The following CORO2A variants were observed in gnomAD, a reference collection of about 807,000 sequenced individuals.
CORO2A encodes the protein coronin-2A.
A neutral mutation model predicts 62.4 loss-of-function variants in CORO2A; 47 were observed. The observed-to-expected ratio is 0.75, with a 90% CI of 0.60 to 0.96. The LOEUF (loss-of-function observed/expected upper bound fraction) is 0.96. CORO2A is among the 40% of genes least tolerant of loss of function. The pLI is 0.00. For synonymous variants in CORO2A, 273 were observed against 268.9 expected (o/e 1.02, Z -0.15); for missense variants, 610 against 684.1 (o/e 0.89, Z 1.21).
chr9:98,137,511 AC>A, intron 3 of CORO2A, 60 bp downstream of exon 3: 1 of 1,389,792 alleles, frequency 7.2e-7, no homozygotes, highest in Non-Finnish European at 1.0e-6. Context: ...GTACCATTCC[AC>A]CCCAACCACC....
intron 1 of CORO2A, among the ~76,000 whole-genome samples, chr9:98,158,371 T>C (rs1298265396): frequency 4.6e-5 from 7 of 152,190 alleles, no homozygotes; most frequent in Non-Finnish European, 1.0e-4. Context: ...TTTAGACCCC[T>C]TGGTGCATGG....
Position 98,129,772 on chromosome 9 carries a change from AACTTCAGTGTCCCTC to A in CORO2A, c.967+7_967+21del. The A allele has an allele frequency of 6.3e-7, 1 of 1,577,488 alleles. No individual in the cohort carries two copies. Among genetic ancestry groups the A allele is most frequent in the Non-Finnish European group, 8.7e-7 (1 of 1,146,870 alleles). ...CCGAAGTGCTGGGATTACAGGCATG[AACTTCAGTGTCCCTC>A]ACTTACCGATCCCCTTCTGTGGGTT... On this transcript the variant is annotated splice_region_variant and intron_variant, in intron 8 of 11. Coordinates refer to ENST00000375077, the MANE Select transcript of CORO2A (RefSeq NM_052820.4).
rs1187606558 is a variant in CORO2A at position 98,144,866 on chromosome 9, C to T, written c.202-7178G>A. Among the ~76,000 whole-genome samples, 4 of 152,036 alleles carry T rather than the reference C, an allele frequency of 2.6e-5. No individual in the cohort carries two copies. The East Asian group carries it at 7.8e-4, about 29-fold the overall frequency. ...GAGGGCATGGAGTCTACTCACCCTGCCCAGGGTGCAAGGCTGGACCCAATA... is the reference window on the plus strand; with the variant it reads ...GAGGGCATGGAGTCTACTCACCCTGTCCAGGGTGCAAGGCTGGACCCAATA... On this transcript the variant is annotated intron_variant, in intron 2 of 11. Transcript: ENST00000375077.
At position 98,151,814 on chromosome 9, in the gene CORO2A, A is replaced by ATT. The variant is rs747501901; in HGVS notation, c.201+5644_201+5645dup. On this transcript the variant is annotated intron_variant, in intron 2 of 11. Coordinates refer to ENST00000375077, the MANE Select transcript of CORO2A (RefSeq NM_052820.4). ...AGGCATGCACCACCATGCCCGGCTA[A>ATT]TTTTTTTTTTTTTTTTTTTTGAGAC... 7.1e-4 allele frequency among the ~76,000 whole-genome samples: 82 copies of ATT among 115,458 alleles called. 1 individual carries two copies. The highest frequency in any genetic ancestry group is 3.9e-3 in the East Asian group (16 of 4,104). 75.7% of individuals were successfully genotyped at this position (115,458 alleles called of 152,430 possible).
At chr9:98,135,619 C>T (rs540466070) in intron 3 of CORO2A, among the ~76,000 whole-genome samples, 23 of 152,218 alleles carry the variant, frequency 1.5e-4, no homozygotes, top group African/African-American at 4.8e-4. Flanking sequence ...AGCTCCCTGT[C>T]ACAGAGGTAT....
rs145954718 is a variant in CORO2A at position 98,157,577 on chromosome 9, G to A, written c.84C>T (p.Ser28=). 7.1e-4 allele frequency: 1,139 copies of A among 1,614,152 alleles called. 3 individuals carry two copies. The highest frequency in any genetic ancestry group is 4.4e-4 in the Non-Finnish European group (525 of 1,180,000). ...CGTGAACGCTGCGGGTGATAGGCACGGAGTCGTAGCAGTTCTCCTTGCTGG... is the reference window on the plus strand; with the variant it reads ...CGTGAACGCTGCGGGTGATAGGCACAGAGTCGTAGCAGTTCTCCTTGCTGG... ...KPASKENCYD[S]VPITRSVHDN... Residue 28 remains serine, a synonymous_variant, in exon 2 of 12, where the codon TCC becomes TCT. Coordinates refer to ENST00000375077, the MANE Select transcript of CORO2A (RefSeq NM_052820.4).
intron 1 of CORO2A, among the ~76,000 whole-genome samples, chr9:98,190,901 T>C (rs1828298378): frequency 6.6e-6 from 1 of 152,200 alleles, no homozygotes; most frequent in African/African-American, 2.4e-5. Flanking sequence ...CAGCTCCCAG[T>C]CCTGTGCAGC....
chr9:98,158,516 C>A (rs1827837507), intron 1 of CORO2A, among the ~76,000 whole-genome samples: 1 of 152,092 alleles, frequency 6.6e-6, no homozygotes, highest in Non-Finnish European at 1.5e-5. Context: ...AGGCCCTGTG[C>A]CAGGTACCAG....
rs538293375 is a variant in CORO2A at position 98,128,535 on chromosome 9, C to T, written c.1080+72G>A. On this transcript the variant is annotated intron_variant, in intron 9 of 11. Transcript: ENST00000375077. ...AACGTGGGCTCCAGGCTCTGGTGCC[C>T]GACAGCCCTGGGTCTGTCTTCTCCA... The T allele has an allele frequency of 1.3e-5, 18 of 1,380,662 alleles. No individual in the cohort carries two copies. The East Asian group carries it at 2.5e-4, about 19-fold the overall frequency. 85.5% of individuals were successfully genotyped at this position (1,380,662 alleles called of 1,614,324 possible). A position where few individuals can be genotyped will look rare whatever the true frequency, so the allele number is the denominator to read the frequency against.
At chr9:98,171,759 G>C (rs1259651702) in intron 1 of CORO2A, among the ~76,000 whole-genome samples, 4 of 151,990 alleles carry the variant, frequency 2.6e-5, no homozygotes, top group Admixed American at 2.6e-4. Flanking sequence ...CTTGCAGCGC[G>C]GGGGTGGGGA....
At chr9:98,174,061 T>G (rs952478475) in intron 1 of CORO2A, among the ~76,000 whole-genome samples, 3 of 151,794 alleles carry the variant, frequency 2.0e-5, no homozygotes, top group Non-Finnish European at 4.4e-5. Context: ...GAGCCGAGAT[T>G]GCGCCATTGC....
At chr9:98,149,835 T>C (rs192844150) in intron 2 of CORO2A, among the ~76,000 whole-genome samples, 6 of 152,208 alleles carry the variant, frequency 3.9e-5, no homozygotes, top group African/African-American at 9.6e-5. Flanking sequence ...AATTAACATG[T>C]ATCTTTGAGC....
intron 8 of CORO2A, 95 bp downstream of exon 8, chr9:98,129,699 C>G: frequency 1.1e-6 from 1 of 923,272 alleles, no homozygotes; most frequent in Admixed American, 1.7e-5. Flanking sequence ...CCCTGTCTCC[C>G]CAGACCCCGC....
chr9:98,148,961 A>G (rs577944628), intron 2 of CORO2A, among the ~76,000 whole-genome samples: 1 of 152,278 alleles, frequency 6.6e-6, no homozygotes, highest in Non-Finnish European at 1.5e-5. Context: ...AGAAATGGAG[A>G]GCAGGTTAAT....
At chr9:98,151,008 C>A (rs1345744465) in intron 2 of CORO2A, among the ~76,000 whole-genome samples, 1 of 152,228 alleles carries the variant, frequency 6.6e-6, no homozygotes, top group Non-Finnish European at 1.5e-5. Flanking sequence ...TCTGGCCAGA[C>A]AGCTGCTCTC....
chr9:98,172,705 A>G (rs1223273711), intron 1 of CORO2A: 1 of 152,274 alleles, frequency 6.6e-6, no homozygotes, highest in African/African-American at 2.4e-5. Context: ...AGCTGGCAGG[A>G]GAGGATGGTG....
intron 3 of CORO2A, 117 bp from the exon 4 acceptor site, chr9:98,135,072 G>C: frequency 7.5e-7 from 1 of 1,335,836 alleles, no homozygotes; most frequent in South Asian, 1.4e-5. Context: ...TCTCTCCATA[G>C]CCACCTCCCA....
intron 1 of CORO2A, among the ~76,000 whole-genome samples, chr9:98,177,457 G>GTTTTTTTTTTTTTTTTTTTTTTTT (rs1174402008): frequency 1.0e-5 from 1 of 98,346 alleles, no homozygotes; most frequent in Non-Finnish European, 1.9e-5. Flanking sequence ...TCCAAACTTT[G>GTTTTTTTTTTTTTTTTTTTTTTTT]TTTTTTTTTT....
chr9:98,180,567 T>C (rs186978990), intron 1 of CORO2A, among the ~76,000 whole-genome samples: 5 of 152,168 alleles, frequency 3.3e-5, no homozygotes, highest in African/African-American at 1.2e-4. Flanking sequence ...AAGAACCATC[T>C]CATCTCCAAA....
Sources: allele counts gnomAD v4.1 joint callset (sites outside exome capture counted in the v4.1 genomes callset), GRCh38; gene constraint gnomAD v4.1.1; transcripts MANE v1.5; gene names NCBI Gene and HGNC (gene_info 2026-07-23, HGNC 2026-07-21).